Variants in PXDNL observed in about 807,000 individuals in gnomAD.
PXDNL encodes peroxidasin like.
In PXDNL, 145 loss-of-function variants were observed where a neutral mutation model predicts 150.8. The ratio of observed to expected loss-of-function variants is 0.96; its 90% confidence interval spans 0.84 to 1.10. The LOEUF is 1.10. PXDNL is among the 50% of genes least tolerant of loss of function. The pLI is 0.00. For missense variants in PXDNL, 2,087 were observed against 1,873.9 expected (o/e 1.11, Z -2.10); for synonymous variants, 757 against 725.7 (o/e 1.04, Z -0.69).
At chr8:51,714,446 G>T (rs7816154) in intron 1 of PXDNL, among the ~76,000 whole-genome samples, 5,683 of 152,126 alleles carry the variant, frequency 0.037, 341 homozygotes, top group African/African-American at 0.12. Flanking sequence ...AGTCATTCTG[G>T]GAGGCTCTCT....
At chr8:51,455,042 GAGCTTGC>G (rs1467709878) in intron 9 of PXDNL, among the ~76,000 whole-genome samples, 3 of 89,980 alleles carry the variant, frequency 3.3e-5, no homozygotes. Flanking sequence ...CCGGGAAGCG[GAGCTTGC>G]AGTGAGCCGA....
At chr8:51,348,399 C>T (rs2130709519) in intron 19 of PXDNL, among the ~76,000 whole-genome samples, 1 of 152,024 alleles carries the variant, frequency 6.6e-6, no homozygotes, top group Admixed American at 6.5e-5. Flanking sequence ...AACAACCCAC[C>T]AGACTGCAGT....
At chr8:51,493,378 C>T (rs1810948036) in intron 5 of PXDNL, among the ~76,000 whole-genome samples, 1 of 152,196 alleles carries the variant, frequency 6.6e-6, no homozygotes, top group African/African-American at 2.4e-5. Flanking sequence ...CAGAGCGCCT[C>T]TCCTCCTCCA....
intron 3 of PXDNL, among the ~76,000 whole-genome samples, chr8:51,582,020 A>AT (rs113970302): frequency 0.051 from 7,751 of 152,168 alleles, 461 homozygotes; most frequent in African/African-American, 0.15. Flanking sequence ...AAATGATATA[A>AT]TTTTTTAAAT....
At chr8:51,343,967 A>G (rs1229508975) in intron 20 of PXDNL, among the ~76,000 whole-genome samples, 2 of 152,096 alleles carry the variant, frequency 1.3e-5, no homozygotes, top group Non-Finnish European at 2.9e-5. Context: ...CACAAAATAT[A>G]TTTCATTTCC....
chr8:51,409,007 G>C lies in PXDNL; in HGVS notation c.2617C>G (p.Arg873Gly). ...ARSSPACASG[R>G]PSATVDSVYA... ...ACTGAATCCACCGTCGCAGAGGGAC[G>C]GCCGCTGGCACACGCGGGGCTGGAG... Residue 873 changes from arginine (R) to glycine (G), a missense_variant, in exon 17 of 23, where the codon CGT becomes GGT. Coordinates refer to ENST00000356297, the MANE Select transcript of PXDNL (RefSeq NM_144651.5). The C allele has an allele frequency of 6.2e-7, 1 of 1,611,136 alleles. No homozygotes were observed. The highest frequency in any genetic ancestry group is 8.5e-7 in the Non-Finnish European group (1 of 1,179,836).
chr8:51,511,625 G>A (rs1018414076), intron 4 of PXDNL, among the ~76,000 whole-genome samples: 1 of 152,188 alleles, frequency 6.6e-6, no homozygotes, highest in African/African-American at 2.4e-5. Flanking sequence ...CAGTTGCAAG[G>A]AGGGGGCTGC....
At chr8:51,493,954 G>C (rs1310137974) in intron 5 of PXDNL, among the ~76,000 whole-genome samples, 2 of 152,122 alleles carry the variant, frequency 1.3e-5, no homozygotes, top group East Asian at 3.9e-4. Flanking sequence ...TCCTCAAGAA[G>C]AGTAACTCCA....
At chr8:51,506,338 T>G (rs756673421) in intron 4 of PXDNL, among the ~76,000 whole-genome samples, 1 of 151,806 alleles carries the variant, frequency 6.6e-6, no homozygotes, top group Non-Finnish European at 1.5e-5. Context: ...ATCAGGAGAT[T>G]GAGACCATCC....
intron 2 of PXDNL, among the ~76,000 whole-genome samples, chr8:51,607,899 G>GGAAGGAA (rs1813875607): frequency 1.1e-5 from 1 of 91,760 alleles, no homozygotes; most frequent in African/African-American, 6.1e-5. Context: ...GAAGGAAGGT[G>GGAAGGAA]GGGAGGGAGG....
rs78775560 is a variant in PXDNL at position 51,704,311 on chromosome 8, G to A, written c.165-49551C>T. Among the ~76,000 whole-genome samples, 381 of 152,300 alleles carry A rather than the reference G, an allele frequency of 2.5e-3. 16 individuals carry two copies. In the East Asian group the frequency reaches 0.062, roughly 25 times the overall value. ...GGAGTCATTTATGTGGATGTGTGTA[G>A]TAGCAGTTCATTTATTTTTTACTGC... On this transcript the variant is annotated intron_variant, in intron 1 of 22. Coordinates refer to ENST00000356297, the MANE Select transcript of PXDNL (RefSeq NM_144651.5).
intron 21 of PXDNL, among the ~76,000 whole-genome samples, chr8:51,336,041 A>G (rs1214305105): frequency 6.6e-6 from 1 of 152,198 alleles, no homozygotes; most frequent in Non-Finnish European, 1.5e-5. Context: ...GTTGCAGACC[A>G]TAAATGTAAT....
chr8:51,632,591 C>CTCAA (rs996432216), intron 2 of PXDNL, among the ~76,000 whole-genome samples: 5 of 152,160 alleles, frequency 3.3e-5, no homozygotes, highest in African/African-American at 4.8e-5. Flanking sequence ...GAGACCCTAT[C>CTCAA]TCAATCAATC....
chr8:51,449,374 G>A (rs572596683), intron 10 of PXDNL, among the ~76,000 whole-genome samples: 29 of 152,126 alleles, frequency 1.9e-4, no homozygotes, highest in Non-Finnish European at 4.0e-4. Context: ...AAATCTTACG[G>A]CAGCTGTTTC....
rs1213759314 is a variant in PXDNL, at chr8:51,652,422, G to GTC, written c.236+2265_236+2266dup. Reference sequence around the variant, plus strand: ...TCTCTCTCTTACTGTCTGTCTCTCTGTCTCTCTCTCTCTCTCTCACACACA... The same window carrying GTC: ...TCTCTCTCTTACTGTCTGTCTCTCTGTCTCTCTCTCTCTCTCTCTCACACACA... On this transcript the variant is annotated intron_variant, in intron 2 of 22. Transcript: ENST00000356297. Among the ~76,000 whole-genome samples the GTC allele has an allele frequency of 6.8e-4, 88 of 129,560 alleles. 1 individual carries two copies. In the East Asian group the frequency reaches 0.011, roughly 16 times the overall value. The allele number at this position is 129,560 out of a possible 152,430, so 85.0% of individuals were successfully genotyped here. A position where few individuals can be genotyped will look rare whatever the true frequency, so the allele number is the denominator to read the frequency against.
At chr8:51,349,418 T>C (rs898775296) in intron 19 of PXDNL, among the ~76,000 whole-genome samples, 1 of 152,192 alleles carries the variant, frequency 6.6e-6, no homozygotes. Context: ...ATAGGTGTCA[T>C]GTCAGCCTTC....
At chr8:51,429,038 A>G (rs1489990870) in intron 12 of PXDNL, among the ~76,000 whole-genome samples, 1 of 152,292 alleles carries the variant, frequency 6.6e-6, no homozygotes, top group African/African-American at 2.4e-5. Context: ...ATGACATTGT[A>G]CTGTAGAGGA....
intron 20 of PXDNL, among the ~76,000 whole-genome samples, chr8:51,344,282 TA>T (rs74274612): frequency 0.05 from 7,206 of 142,950 alleles, 516 homozygotes; most frequent in African/African-American, 0.17. Context: ...TTTTTTAAAT[TA>T]AAAAAAAAAA....
At chr8:51,752,509 T>C (rs1471911298) in intron 1 of PXDNL, among the ~76,000 whole-genome samples, 1 of 152,164 alleles carries the variant, frequency 6.6e-6, no homozygotes, top group Non-Finnish European at 1.5e-5. Flanking sequence ...AAACAGTTGC[T>C]ATGGAGGCCT....
Sources: allele counts gnomAD v4.1 joint callset (sites outside exome capture counted in the v4.1 genomes callset), GRCh38; gene constraint gnomAD v4.1.1; transcripts MANE v1.5; gene names NCBI Gene and HGNC (gene_info 2026-07-23, HGNC 2026-07-21).